Variants in KLF15 observed in about 807,000 individuals in gnomAD.
KLF15 encodes KLF transcription factor 15, also known as Krueppel-like factor 15.
A neutral mutation model predicts 24.6 loss-of-function variants in KLF15; 4 were observed. The ratio of observed to expected loss-of-function variants is 0.16; its 90% CI spans 0.08 to 0.37. The LOEUF (loss-of-function observed/expected upper bound fraction) is 0.37. KLF15 is among the 10% of genes least tolerant of loss of function. The pLI is 1.00. For synonymous variants in KLF15, 246 were observed against 236.3 expected, an observed-to-expected ratio of 1.04 and a Z score of -0.37; for missense variants, 496 against 560.6, an observed-to-expected ratio of 0.88 and a Z score of 1.16.
chr3:126,321,653 T>C, the KLF15 span, among the ~76,000 whole-genome samples: 1 of 152,100 alleles, frequency 6.6e-6, no homozygotes, highest in Admixed American at 6.5e-5. Context: ...ATGGTGGGAG[T>C]GCAGTGTCCA....
chr3:126,309,497 G>A, the KLF15 span, among the ~76,000 whole-genome samples: 1 of 152,358 alleles, frequency 6.6e-6, no homozygotes, highest in African/African-American at 2.4e-5. Context: ...GGGAACCCAC[G>A]TTTCTGCTTA....
chr3:126,306,215 C>T, the KLF15 span, among the ~76,000 whole-genome samples: 2 of 152,160 alleles, frequency 1.3e-5, no homozygotes, highest in East Asian at 3.9e-4. Context: ...GAGCACCTCT[C>T]ACAGAGCACT....
rs768898176 is a variant in KLF15 at position 126,352,889 on chromosome 3, A to C, written c.34T>G (p.Phe12Val). ...CCAACTGGGCATTTTGGCGACGAGA[A>C]GTTCTCGTCCACTGGAAGTAAGTGG... ...VDHLLPVDEN[F>V]SSPKCPVGYL... Residue 12 changes from phenylalanine (F) to valine (V), a missense_variant, in exon 2 of 3, where the codon TTC (phenylalanine) becomes GTC (valine). By Grantham distance (50) the Phe-to-Val change is conservative. Coordinates refer to ENST00000296233, the MANE Select transcript of KLF15 (RefSeq NM_014079.4). 1.2e-6 allele frequency: 2 copies of C among 1,611,040 alleles called. No homozygotes were observed. The highest frequency in any genetic ancestry group is 1.7e-6 in the Non-Finnish European group (2 of 1,178,806).
chr3:126,308,556 G>C, the KLF15 span, among the ~76,000 whole-genome samples: 1 of 152,064 alleles, frequency 6.6e-6, no homozygotes, highest in African/African-American at 2.4e-5. Flanking sequence ...CTGGCGCTCG[G>C]GGGTTCTGCC....
chr3:126,316,495 TGGG>T, the KLF15 span, among the ~76,000 whole-genome samples: 3 of 108,432 alleles, frequency 2.8e-5, no homozygotes, highest in East Asian at 2.6e-4. Context: ...CAGGCCGGAG[TGGG>T]ACTGGGAGTG....
Position 126,356,629 on chromosome 3 carries a change from G to A in KLF15, c.-26+608C>T, listed in dbSNP as rs973870344. On this transcript the variant is annotated intron_variant, in intron 1 of 2. Transcript: ENST00000296233. This position sits in a 1 kb window ranked among gnomAD's most constrained non-coding sequence, Gnocchi z 4.4. ...ACTGCGTGTGCGGGGCGTGGTGCGC[G>A]GCAGCCGCTGTGGCTGTGCGGGAGG... Among the ~76,000 whole-genome samples, 1 of 152,102 alleles carries A rather than the reference G, an allele frequency of 6.6e-6. No homozygotes were observed. The highest frequency in any genetic ancestry group is 2.4e-5 in the African/African-American group (1 of 41,442).
intron 1 of KLF15, among the ~76,000 whole-genome samples, chr3:126,355,948 C>A (rs1466713659): frequency 1.3e-5 from 2 of 152,192 alleles, no homozygotes; most frequent in Non-Finnish European, 2.9e-5. Flanking sequence ...GCACGTGGGG[C>A]GGCCAGAGGC....
At chr3:126,339,236 C>A (rs1461263816), downstream of KLF15, among the ~76,000 whole-genome samples, 1 of 152,236 alleles carries the variant, frequency 6.6e-6, no homozygotes, top group Non-Finnish European at 1.5e-5. Context: ...CATTTGTCTT[C>A]TGCAGCAGTG....
At chr3:126,307,370 G>A in the KLF15 span, among the ~76,000 whole-genome samples, 1 of 152,202 alleles carries the variant, frequency 6.6e-6, no homozygotes, top group Admixed American at 6.5e-5. Context: ...TCTGGGAGGC[G>A]GACTGGGGAC....
At chr3:126,306,431 G>A in the KLF15 span, among the ~76,000 whole-genome samples, 4 of 152,276 alleles carry the variant, frequency 2.6e-5, no homozygotes, top group East Asian at 1.9e-4. Context: ...AAATAAATGC[G>A]TAACCCAGAT....
chr3:126,331,040 G>A, the KLF15 span, among the ~76,000 whole-genome samples: 1 of 152,184 alleles, frequency 6.6e-6, no homozygotes, highest in Non-Finnish European at 1.5e-5. Flanking sequence ...GATGCAATCT[G>A]CCCCTATCCT....
the KLF15 span, among the ~76,000 whole-genome samples, chr3:126,311,016 T>C: frequency 6.6e-6 from 1 of 152,146 alleles, no homozygotes; most frequent in Non-Finnish European, 1.5e-5. Context: ...GGCACATCCA[T>C]GTACTTCACC....
the KLF15 span, among the ~76,000 whole-genome samples, chr3:126,292,668 C>G: frequency 6.6e-6 from 1 of 151,904 alleles, no homozygotes; most frequent in Non-Finnish European, 1.5e-5. Context: ...GAAGGGAGAG[C>G]GAGCGAGCAG....
chr3:126,348,434 T>A (rs547812690), intron 2 of KLF15, among the ~76,000 whole-genome samples: 1 of 152,088 alleles, frequency 6.6e-6, no homozygotes, highest in Admixed American at 6.5e-5. Flanking sequence ...GAGGCACACA[T>A]GGCGACTCTG....
At chr3:126,334,400 A>G in the KLF15 span, among the ~76,000 whole-genome samples, 2 of 132,908 alleles carry the variant, frequency 1.5e-5, no homozygotes, top group African/African-American at 5.7e-5. Flanking sequence ...ACATACCAGA[A>G]TCTCTGGGAT....
chr3:126,319,308 G>A, the KLF15 span, among the ~76,000 whole-genome samples: 1 of 152,212 alleles, frequency 6.6e-6, no homozygotes, highest in Non-Finnish European at 1.5e-5. Context: ...TAAATACCAA[G>A]TAGCAAAATT....
At chr3:126,324,788 A>ATTTTTTTTTTTTTTTGCTTTTTTT in the KLF15 span, among the ~76,000 whole-genome samples, 1 of 74,690 alleles carries the variant, frequency 1.3e-5, no homozygotes, top group African/African-American at 5.8e-5. Context: ...TTTGCTTTTA[A>ATTTTTTTTTTTTTTTGCTTTTTTT]TTTTTTTTTT....
At position 126,343,714 on chromosome 3, in the gene KLF15, G is replaced by T. The variant is rs1252620326; in HGVS notation, c.*13C>A. ...GATCCGGGGTGACGGACAGGCTGGG[G>T]TTCAGGGCGCTTTCAGTTCACGGAG... is the stretch of plus-strand genomic sequence containing the variant. On this transcript the variant is annotated 3_prime_UTR_variant, in exon 3 of 3. Transcript: ENST00000296233. The T allele has an allele frequency of 6.2e-7, 1 of 1,607,840 alleles. No homozygotes were observed. Among genetic ancestry groups the T allele is most frequent in the Admixed American group, 1.7e-5 (1 of 58,316 alleles).
rs1472844159 is a variant in KLF15, at chr3:126,352,677, G to C, written c.246C>G (p.Ser82=). 6.3e-7 allele frequency: 1 copy of C among 1,596,834 alleles called. No homozygotes were observed. Among genetic ancestry groups the C allele is most frequent in the Non-Finnish European group, 8.5e-7 (1 of 1,172,024 alleles). The part of the protein sequence containing the change: ...SQDSILDFLL[S]QATLGSGGGS... Reference sequence around the variant, plus strand: ...CCCCGCCACTGCCCAGCGTGGCCTGGGACAATAGGAAGTCCAAGATGCTGT... The same window carrying C: ...CCCCGCCACTGCCCAGCGTGGCCTGCGACAATAGGAAGTCCAAGATGCTGT... Residue 82 remains serine, a synonymous_variant, in exon 2 of 3, where the codon TCC becomes TCG. Coordinates refer to ENST00000296233, the MANE Select transcript of KLF15 (RefSeq NM_014079.4).
Sources: gnomAD v4.1 joint callset for allele counts (sites outside exome capture counted in the v4.1 genomes callset) on GRCh38, gnomAD v4.1.1 for gene constraint, Gnocchi (gnomAD v3.1) non-coding constraint, MANE v1.5 for transcripts, NCBI Gene and HGNC (gene_info 2026-07-23, HGNC 2026-07-21) for gene names.